Variants in MGAT4C observed in about 807,000 individuals in gnomAD.
The protein encoded by MGAT4C is alpha-1,3-mannosyl-glycoprotein 4-beta-N-acetylglucosaminyltransferase C.
A neutral mutation model predicts 40.1 loss-of-function variants in MGAT4C; 19 were observed. That is an observed-to-expected ratio of 0.47 (90% CI 0.33 to 0.70). The LOEUF is 0.70. MGAT4C is among the 30% of genes least tolerant of loss of function. The pLI is 0.02. For synonymous variants in MGAT4C, 181 were observed against 187.1 expected, an observed-to-expected ratio of 0.97 and a Z score of 0.27; for missense variants, 491 against 563.2, an observed-to-expected ratio of 0.87 and a Z score of 1.30.
At chr12:86,434,524 A>G (rs1488864801) in intron 3 of MGAT4C, among the ~76,000 whole-genome samples, 1 of 151,948 alleles carries the variant, frequency 6.6e-6, no homozygotes, top group Non-Finnish European at 1.5e-5. Context: ...ATAGGTAGAG[A>G]TTCTCATACA....
chr12:86,415,953 G>A (rs1956702077), intron 3 of MGAT4C, among the ~76,000 whole-genome samples: 1 of 152,052 alleles, frequency 6.6e-6, no homozygotes, highest in South Asian at 2.1e-4. Context: ...ATAACCAGGT[G>A]AGGATGACTC....
intron 1 of MGAT4C, among the ~76,000 whole-genome samples, chr12:86,226,669 G>A (rs1374594022): frequency 1.3e-5 from 2 of 151,818 alleles, no homozygotes; most frequent in Non-Finnish European, 2.9e-5. Flanking sequence ...TTGTCATGAA[G>A]TAGAGGAATC....
chr12:86,342,632 G>T (rs1954928562), intron 3 of MGAT4C, among the ~76,000 whole-genome samples: 1 of 152,012 alleles, frequency 6.6e-6, no homozygotes, highest in Non-Finnish European at 1.5e-5. Context: ...GTAGAGACGG[G>T]GTTTCACCAT....
intron 2 of MGAT4C, among the ~76,000 whole-genome samples, chr12:86,637,069 A>G (rs566263536): frequency 6.6e-6 from 1 of 152,016 alleles, no homozygotes; most frequent in African/African-American, 2.4e-5. Flanking sequence ...CTTATATTCC[A>G]AATTTTTCTG....
chr12:86,043,684 G>A lies in MGAT4C; in HGVS notation c.-7+5990C>T, dbSNP rs199516928. 5.9e-5 allele frequency among the ~76,000 whole-genome samples: 9 copies of A among 152,268 alleles called. No individual in the cohort carries two copies. The East Asian group carries it at 7.7e-4, about 13-fold the overall frequency. On this transcript the variant is annotated intron_variant, in intron 2 of 4. Coordinates refer to ENST00000611864, the MANE Select transcript of MGAT4C (RefSeq NM_001351288.2). Reference sequence around the variant, plus strand: ...CTTCAATCAAATCAAGTTGACACTCGATATTAACCATCACATCCTCCAATA... The same window carrying A: ...CTTCAATCAAATCAAGTTGACACTCAATATTAACCATCACATCCTCCAATA...
intron 1 of MGAT4C, among the ~76,000 whole-genome samples, chr12:86,123,631 T>A (rs1488825371): frequency 6.6e-6 from 1 of 152,136 alleles, no homozygotes; most frequent in Non-Finnish European, 1.5e-5. Context: ...ATGAATTATC[T>A]AATTGGATGT....
At chr12:86,659,931 A>G (rs1015826298) in intron 2 of MGAT4C, among the ~76,000 whole-genome samples, 2 of 145,942 alleles carry the variant, frequency 1.4e-5, no homozygotes, top group African/African-American at 5.0e-5. Flanking sequence ...AGGGTGATTA[A>G]AAAAAAAAAA....
upstream of MGAT4C, among the ~76,000 whole-genome samples, chr12:86,257,529 T>G (rs1348502113): frequency 2.0e-5 from 3 of 152,204 alleles, no homozygotes; most frequent in Non-Finnish European, 4.4e-5. Context: ...ACCCCAACTT[T>G]AGGGAAAGGA....
At chr12:86,786,629 G>T (rs962464193) in intron 1 of MGAT4C, among the ~76,000 whole-genome samples, 2 of 151,508 alleles carry the variant, frequency 1.3e-5, no homozygotes, top group Non-Finnish European at 2.9e-5. Flanking sequence ...AAATATCTGT[G>T]TCAAGGAAAA....
At chr12:86,705,672 TG>T in intron 2 of MGAT4C, among the ~76,000 whole-genome samples, 1 of 152,224 alleles carries the variant, frequency 6.6e-6, no homozygotes, top group Non-Finnish European at 1.5e-5. Flanking sequence ...TAAACAAATT[TG>T]GGAGACTCTA....
intron 3 of MGAT4C, among the ~76,000 whole-genome samples, chr12:86,431,183 G>A (rs1957031125): frequency 6.6e-6 from 1 of 152,112 alleles, no homozygotes; most frequent in Admixed American, 6.5e-5. Context: ...TGTACTGCAG[G>A]TTGGCAATGA....
rs374462688 is a variant in MGAT4C at position 86,005,587 on chromosome 12, G to A, written c.-6-16035C>T. On this transcript the variant is annotated intron_variant, in intron 2 of 4. Transcript: ENST00000611864. ...GAGTAAGGAAGATCACTTCCTAGCA[G>A]GCCCAGGGAAGATGGGCTATCTTGG... Among the ~76,000 whole-genome samples the A allele has an allele frequency of 7.9e-5, 12 of 152,242 alleles. No homozygotes were observed. The East Asian group carries it at 2.1e-3, about 27-fold the overall frequency.
chr12:86,235,356 G>C (rs544730423), intron 1 of MGAT4C, among the ~76,000 whole-genome samples: 1 of 151,752 alleles, frequency 6.6e-6, no homozygotes, highest in Non-Finnish European at 1.5e-5. Flanking sequence ...TAATCAAAAG[G>C]GATTTTTTAT....
At chr12:86,559,210 C>T (rs1450067130) in intron 2 of MGAT4C, among the ~76,000 whole-genome samples, 63 of 151,882 alleles carry the variant, frequency 4.1e-4, no homozygotes, top group Admixed American at 4.1e-3. Flanking sequence ...GAATCTAATA[C>T]TACAATACTC....
chr12:86,714,970 T>G (rs554550906), intron 2 of MGAT4C, among the ~76,000 whole-genome samples: 1 of 152,262 alleles, frequency 6.6e-6, no homozygotes, highest in South Asian at 2.1e-4. Context: ...TTTTCTTAAG[T>G]TCACTTCATA....
Position 86,012,753 on chromosome 12 carries a change from A to AAACAACAACAACAAC in MGAT4C, c.-6-23216_-6-23202dup, listed in dbSNP as rs552362981. Among the ~76,000 whole-genome samples, 469 of 109,662 alleles carry AAACAACAACAACAAC rather than the reference A, an allele frequency of 4.3e-3. 5 individuals are homozygous for AAACAACAACAACAAC. The highest frequency in any genetic ancestry group is 0.015 in the African/African-American group (385 of 26,256). 71.9% of individuals were successfully genotyped at this position (109,662 alleles called of 152,430 possible). A position where few individuals can be genotyped will look rare whatever the true frequency, so the allele number is the denominator to read the frequency against. ...GGCAGCAAGAGAGAAACTCCGTCTC[A>AAACAACAACAACAAC]AACAACAACAACAACAACAACAACA... On this transcript the variant is annotated intron_variant, in intron 2 of 4. Coordinates refer to ENST00000611864, the MANE Select transcript of MGAT4C (RefSeq NM_001351288.2).
chr12:86,077,916 G>T (rs1870080873), intron 1 of MGAT4C, among the ~76,000 whole-genome samples: 1 of 152,164 alleles, frequency 6.6e-6, no homozygotes, highest in Non-Finnish European at 1.5e-5. Context: ...CTTAAATGCA[G>T]AAGGAGCCCA....
At chr12:86,143,947 A>T (rs541209836) in intron 1 of MGAT4C, among the ~76,000 whole-genome samples, 1 of 152,148 alleles carries the variant, frequency 6.6e-6, no homozygotes, top group African/African-American at 2.4e-5. Context: ...CTTTTCCAAG[A>T]TGGGAATAAT....
Position 86,302,872 on chromosome 12 carries a change from G to T in MGAT4C, c.-57+31193C>A, listed in dbSNP as rs937889025. ...TGACATACTTCTGTTAGATGAATTT[G>T]AATTGAGGAATGGTGGTGTGAGGGA... On this transcript the variant is annotated intron_variant, in intron 4 of 7. Transcript: ENST00000548651. Among the ~76,000 whole-genome samples the T allele has an allele frequency of 4.6e-5, 7 of 150,836 alleles. 1 individual carries two copies. The highest frequency in any genetic ancestry group is 1.7e-4 in the African/African-American group (7 of 40,222).
Sources: allele counts gnomAD v4.1 joint callset (sites outside exome capture counted in the v4.1 genomes callset), GRCh38; gene constraint gnomAD v4.1.1; transcripts MANE v1.5; gene names NCBI Gene and HGNC (gene_info 2026-07-23, HGNC 2026-07-21).